LPP: variants seen among roughly 807,000 people sequenced by gnomAD.
LPP encodes LIM domain containing preferred translocation partner in lipoma, also known as lipoma-preferred partner.
LPP carries 38 observed loss-of-function variants against 60.4 expected under a neutral mutation model. The ratio of observed to expected loss-of-function variants is 0.63; its 90% CI spans 0.49 to 0.83. The LOEUF (loss-of-function observed/expected upper bound fraction) is 0.83. LPP is among the 40% of genes least tolerant of loss of function. The pLI is 0.00. For synonymous variants in LPP, 328 were observed against 290.8 expected (o/e 1.13, Z -1.30); for missense variants, 902 against 783.6 (o/e 1.15, Z -1.80).
At chr3:188,384,255 C>G (rs1200471888) in intron 3 of LPP, among the ~76,000 whole-genome samples, 1 of 152,072 alleles carries the variant, frequency 6.6e-6, no homozygotes, top group Non-Finnish European at 1.5e-5. Context: ...TATTAACTCT[C>G]TGCCTGACCT....
chr3:188,611,695 A>T (rs768373487), intron 7 of LPP, among the ~76,000 whole-genome samples: 4 of 152,218 alleles, frequency 2.6e-5, no homozygotes, highest in Non-Finnish European at 5.9e-5. Flanking sequence ...GGATTGTGTT[A>T]TCCCACATAG....
intron 7 of LPP, among the ~76,000 whole-genome samples, chr3:188,679,989 G>T (rs1037734826): frequency 6.6e-6 from 1 of 152,092 alleles, no homozygotes; most frequent in Non-Finnish European, 1.5e-5. Context: ...TCTGGTATGA[G>T]GAAGAAACAG....
intron 11 of LPP, 28 bp downstream of exon 11, chr3:188,872,791 T>C: frequency 6.2e-7 from 1 of 1,613,838 alleles, no homozygotes; most frequent in Non-Finnish European, 8.5e-7. Flanking sequence ...GCCCTGCCAG[T>C]CTGTGGCAGG....
chr3:188,243,142 T>C (rs1011238101), intron 2 of LPP, among the ~76,000 whole-genome samples: 1 of 152,108 alleles, frequency 6.6e-6, no homozygotes, highest in Non-Finnish European at 1.5e-5. Context: ...AAAATACTAA[T>C]AAGAAATGCC....
chr3:188,177,494 C>T (rs144754261), intron 1 of LPP, among the ~76,000 whole-genome samples: 114 of 152,082 alleles, frequency 7.5e-4, no homozygotes, highest in African/African-American at 2.4e-3. Context: ...CTTTATTTAG[C>T]GGCAAAGACA....
At chr3:188,873,359 G>C (rs1025054428) in intron 11 of LPP, among the ~76,000 whole-genome samples, 3 of 152,230 alleles carry the variant, frequency 2.0e-5, no homozygotes, top group African/African-American at 7.2e-5. Context: ...CACCATGGTA[G>C]ATAGCAGAGG....
At chr3:188,348,442 G>C (rs1233448804) in intron 3 of LPP, among the ~76,000 whole-genome samples, 1 of 152,134 alleles carries the variant, frequency 6.6e-6, no homozygotes, top group Non-Finnish European at 1.5e-5. Context: ...GCCACCGTGC[G>C]TGGCTGAAAC....
rs148818884 is a variant in LPP at position 188,609,534 on chromosome 3, G to A, written c.803G>A (p.Arg268Gln). ...GGGCAGTGTCCACCTCCTTCAACACGGGGAGGCATGGATTATGCCTACATT... is the reference window on the plus strand; with the variant it reads ...GGGCAGTGTCCACCTCCTTCAACACAGGGAGGCATGGATTATGCCTACATT... ...VSGQCPPPST[R>Q]GGMDYAYIPP... Residue 268 changes from arginine (R) to glutamine (Q), a missense_variant, in exon 7 of 12, where the codon CGG becomes CAG. Transcript: ENST00000617246. The surrounding 1 kb of genome is among the most constrained non-coding windows in gnomAD (Gnocchi z 6.9). 5.0e-4 allele frequency: 813 copies of A among 1,614,114 alleles called. 5 individuals are homozygous for A. In the African/African-American group the frequency reaches 5.3e-3, roughly 11 times the overall value.
At chr3:188,860,003 C>A (rs771180612) in intron 9 of LPP, among the ~76,000 whole-genome samples, 2 of 152,012 alleles carry the variant, frequency 1.3e-5, no homozygotes, top group Non-Finnish European at 2.9e-5. Context: ...TTTCAAAACA[C>A]ACATTACATG....
intron 3 of LPP, among the ~76,000 whole-genome samples, chr3:188,357,536 C>G (rs932329754): frequency 6.6e-6 from 1 of 152,156 alleles, no homozygotes. Context: ...CACATGTCAG[C>G]CACTGGGGAT....
At position 188,441,738 on chromosome 3, in the gene LPP, A is replaced by G. The variant is rs145789889; in HGVS notation, c.193+35425A>G. On this transcript the variant is annotated intron_variant, in intron 4 of 11. Coordinates refer to ENST00000617246, the MANE Select transcript of LPP (RefSeq NM_001375462.1). Reference sequence around the variant, plus strand: ...CAGGTTCACGCCATTCTCCCACCTCAGCCTCCTGAGTAGTTGGTACTACAG... The same window carrying G: ...CAGGTTCACGCCATTCTCCCACCTCGGCCTCCTGAGTAGTTGGTACTACAG... Among the ~76,000 whole-genome samples the G allele has an allele frequency of 6.4e-3, 931 of 145,756 alleles. 4 individuals carry two copies. Among genetic ancestry groups the G allele is most frequent in the South Asian group, 0.016 (75 of 4,574 alleles).
chr3:188,871,547 G>A (rs1376947929), intron 10 of LPP, among the ~76,000 whole-genome samples: 1 of 152,094 alleles, frequency 6.6e-6, no homozygotes, highest in African/African-American at 2.4e-5. Flanking sequence ...ACCGTAACGT[G>A]CTCTGCAAAG....
intron 2 of LPP, among the ~76,000 whole-genome samples, chr3:188,240,369 G>GT (rs1158999758): frequency 2.7e-5 from 4 of 148,010 alleles, no homozygotes; most frequent in African/African-American, 1.1e-4. Context: ...GTGTGTGTGT[G>GT]TGTGTGTGAG....
At chr3:188,753,985 A>C (rs1395022632) in intron 8 of LPP, among the ~76,000 whole-genome samples, 1 of 152,236 alleles carries the variant, frequency 6.6e-6, no homozygotes, top group Admixed American at 6.5e-5. Context: ...TCACAGAGCT[A>C]AATGGCAATA....
At chr3:188,604,833 T>C (rs1345269190) in intron 6 of LPP, among the ~76,000 whole-genome samples, 2 of 152,122 alleles carry the variant, frequency 1.3e-5, no homozygotes, top group East Asian at 3.9e-4. Context: ...ACATGTGATA[T>C]GTACAGGGAG....
chr3:188,641,045 A>G (rs1218247936), intron 7 of LPP, among the ~76,000 whole-genome samples: 4 of 152,146 alleles, frequency 2.6e-5, no homozygotes, highest in African/African-American at 7.2e-5. Flanking sequence ...TCCAATCACA[A>G]GGGAGGAGGG....
intron 9 of LPP, among the ~76,000 whole-genome samples, chr3:188,806,352 C>T (rs560775436): frequency 1.5e-4 from 23 of 151,820 alleles, no homozygotes; most frequent in Middle Eastern, 3.6e-3. Flanking sequence ...TGAAAATATT[C>T]TTGTTCTGAA....
intron 7 of LPP, among the ~76,000 whole-genome samples, chr3:188,699,519 A>G (rs1419118093): frequency 6.6e-6 from 1 of 152,252 alleles, no homozygotes; most frequent in Non-Finnish European, 1.5e-5. Context: ...AAGAAAATCA[A>G]GATTTCGAAA....
At chr3:188,514,118 G>T (rs992866100) in intron 5 of LPP, among the ~76,000 whole-genome samples, 1 of 152,126 alleles carries the variant, frequency 6.6e-6, no homozygotes, top group South Asian at 2.1e-4. Context: ...CTGGAGTAGC[G>T]CTGAATCATG....
Sources: allele counts gnomAD v4.1 joint callset (sites outside exome capture counted in the v4.1 genomes callset), GRCh38; gene constraint gnomAD v4.1.1; non-coding constraint Gnocchi (gnomAD v3.1); transcripts MANE v1.5; gene names NCBI Gene and HGNC (gene_info 2026-07-23, HGNC 2026-07-21).